The following ARL13B variants were observed in gnomAD, a reference collection of about 807,000 sequenced individuals.
The protein encoded by ARL13B is ARF like GTPase 13B.
In ARL13B, 36 loss-of-function variants were observed where a neutral mutation model predicts 56.1. The ratio of observed to expected loss-of-function variants is 0.64; its 90% CI spans 0.49 to 0.85. The LOEUF (loss-of-function observed/expected upper bound fraction) is 0.85, where lower values mean the gene tolerates loss of function less well. Among genes scored for constraint, ARL13B ranks in the 40% least tolerant of loss-of-function variants. The probability of loss-of-function intolerance (pLI) is 0.00; values close to 1 mark genes in which losing one functional copy is unlikely to be tolerated. For missense variants in ARL13B, 519 were observed against 507.1 expected (o/e 1.02, Z -0.23); for synonymous variants, 178 against 171.1 (o/e 1.04, Z -0.32).
intron 1 of ARL13B, among the ~76,000 whole-genome samples, chr3:93,993,336 G>A (rs978181909): frequency 7.3e-5 from 11 of 151,684 alleles, no homozygotes; most frequent in Non-Finnish European, 1.6e-4. Flanking sequence ...ATGTTTCTCA[G>A]GCTGGTCTCG....
intron 3 of ARL13B, among the ~76,000 whole-genome samples, chr3:94,011,428 C>T (rs1575970499): frequency 6.6e-6 from 1 of 152,138 alleles, no homozygotes; most frequent in East Asian, 1.9e-4. Context: ...TCCTTGTCCT[C>T]TCATTCTGTT....
chr3:93,980,726 A>AGTGTGTGTGTGTGT (rs35756044), intron 1 of ARL13B, among the ~76,000 whole-genome samples: 1 of 146,984 alleles, frequency 6.8e-6, no homozygotes, highest in Non-Finnish European at 1.5e-5. Flanking sequence ...TTTGTTAAAA[A>AGTGTGTGTGTGTGT]GTGTGTGTGT....
intron 7 of ARL13B, among the ~76,000 whole-genome samples, chr3:94,048,459 A>G (rs1046345599): frequency 2.0e-5 from 3 of 152,260 alleles, no homozygotes; most frequent in Non-Finnish European, 4.4e-5. Flanking sequence ...TGTTTAAGTT[A>G]AAATATGTAA....
In ARL13B at chr3:93,986,791, A is replaced by T. The variant is rs370051896; in HGVS notation, c.59+6309A>T. Among the ~76,000 whole-genome samples the T allele has an allele frequency of 5.9e-5, 9 of 152,104 alleles. No individual in the cohort carries two copies. In the East Asian group the frequency reaches 9.7e-4, roughly 16 times the overall value. ...CGAGATGAGCCTGGCCAACATAGTG[A>T]AACCCTGTCTCTACTAAAAATACAA... On this transcript the variant is annotated intron_variant, in intron 1 of 9. Coordinates refer to ENST00000394222, the MANE Select transcript of ARL13B (RefSeq NM_001174150.2).
intron 9 of ARL13B, among the ~76,000 whole-genome samples, chr3:94,051,568 G>T (rs1346533423): frequency 6.6e-6 from 1 of 152,034 alleles, no homozygotes; most frequent in African/African-American, 2.4e-5. Flanking sequence ...ACAAGGAGAA[G>T]TTCTGATTAC....
At chr3:94,044,797 C>A in intron 7 of ARL13B, among the ~76,000 whole-genome samples, 1 of 144,436 alleles carries the variant, frequency 6.9e-6, no homozygotes, top group Middle Eastern at 3.8e-3. Context: ...CGCCTCTGCC[C>A]GGCCGCGCCG....
At chr3:93,983,529 C>A (rs148679808) in intron 1 of ARL13B, among the ~76,000 whole-genome samples, 1 of 152,168 alleles carries the variant, frequency 6.6e-6, no homozygotes, top group East Asian at 1.9e-4. Flanking sequence ...AGAGAAAACA[C>A]AGTTTCTACT....
In ARL13B at chr3:94,010,816, A is replaced by G. The variant is rs552185065; in HGVS notation, c.380+6908A>G. ...GCTGAAAGAAAATAACTATTTTACAAATTCATCTGGATATAATTGTACTAA... is the reference window on the plus strand; with the variant it reads ...GCTGAAAGAAAATAACTATTTTACAGATTCATCTGGATATAATTGTACTAA... On this transcript the variant is annotated intron_variant, in intron 3 of 9. Coordinates refer to ENST00000394222, the MANE Select transcript of ARL13B (RefSeq NM_001174150.2). 4.6e-5 allele frequency among the ~76,000 whole-genome samples: 7 copies of G among 152,178 alleles called. No homozygotes were observed. The South Asian group carries it at 1.4e-3, about 32-fold the overall frequency.
chr3:93,981,911 T>A (rs1468642849), intron 1 of ARL13B, among the ~76,000 whole-genome samples: 1 of 151,632 alleles, frequency 6.6e-6, no homozygotes, highest in African/African-American at 2.4e-5. Flanking sequence ...AAGAGTTGTT[T>A]TAGGTGCATA....
intron 3 of ARL13B, among the ~76,000 whole-genome samples, chr3:94,008,222 T>C (rs1199951005): frequency 6.6e-6 from 1 of 152,178 alleles, no homozygotes; most frequent in Non-Finnish European, 1.5e-5. Flanking sequence ...CCTTTTTCTC[T>C]CACATCAACT....
chr3:94,047,200 T>C (rs1201836602), intron 7 of ARL13B, among the ~76,000 whole-genome samples: 1 of 152,256 alleles, frequency 6.6e-6, no homozygotes, highest in African/African-American at 2.4e-5. Context: ...ATTTTTATAG[T>C]ATCACAGGGC....
chr3:94,035,441 G>GT lies in ARL13B; in HGVS notation c.486+5_486+6insT. On this transcript the variant is annotated splice_donor_region_variant and intron_variant, in intron 4 of 9. Coordinates refer to ENST00000394222, the MANE Select transcript of ARL13B (RefSeq NM_001174150.2). Reference sequence around the variant, plus strand: ...CACAAGTGCCTGTGTCAGATAGTAAGGTTTTTTTTTTTTTTTTAATTTTAA... The same window carrying GT: ...CACAAGTGCCTGTGTCAGATAGTAAGTGTTTTTTTTTTTTTTTTAATTTTAA... 2.0e-6 allele frequency: 3 copies of GT among 1,512,834 alleles called. No individual in the cohort carries two copies. Among genetic ancestry groups the GT allele is most frequent in the Non-Finnish European group, 2.7e-6 (3 of 1,109,510 alleles). 93.7% of individuals were successfully genotyped at this position (1,512,834 alleles called of 1,614,324 possible). A position where few individuals can be genotyped will look rare whatever the true frequency, so the allele number is the denominator to read the frequency against.
At chr3:94,046,591 T>G (rs987693114) in intron 7 of ARL13B, among the ~76,000 whole-genome samples, 3 of 152,144 alleles carry the variant, frequency 2.0e-5, no homozygotes, top group African/African-American at 7.2e-5. Context: ...TTGGTGGGCA[T>G]TCAGGTGTAT....
chr3:94,023,442 A>T (rs1335761690), intron 3 of ARL13B, among the ~76,000 whole-genome samples: 1 of 151,940 alleles, frequency 6.6e-6, no homozygotes, highest in Non-Finnish European at 1.5e-5. Context: ...TTTGGTAAAC[A>T]TATAGTTGGT....
rs1350706894 is a variant in ARL13B, at chr3:93,988,573, A to G, written c.60-7301A>G. 3.1e-5 allele frequency: 11 copies of G among 350,720 alleles called. No homozygotes were observed. The Admixed American group carries it at 3.8e-4, about 12-fold the overall frequency. 21.7% of individuals were successfully genotyped at this position (350,720 alleles called of 1,614,324 possible). On this transcript the variant is annotated intron_variant, in intron 1 of 9. Coordinates refer to ENST00000394222, the MANE Select transcript of ARL13B (RefSeq NM_001174150.2). The stretch of plus-strand genomic sequence containing the variant: ...TGCACTTACAAAGCAGTTGATAAAA[A>G]TACCCTGGATTGTACAAGAAGGGAG...
At chr3:93,983,841 T>C (rs896866069) in intron 1 of ARL13B, among the ~76,000 whole-genome samples, 4 of 152,290 alleles carry the variant, frequency 2.6e-5, no homozygotes, top group South Asian at 4.1e-4. Flanking sequence ...TGTAGTACAA[T>C]TGACACTTGA....
intron 7 of ARL13B, among the ~76,000 whole-genome samples, chr3:94,048,834 C>T (rs975275946): frequency 4.6e-5 from 7 of 152,072 alleles, no homozygotes; most frequent in Middle Eastern, 3.2e-3. Flanking sequence ...TGGGCTCATG[C>T]ATTCCTCCTA....
At chr3:94,025,371 C>T (rs546614513) in intron 3 of ARL13B, among the ~76,000 whole-genome samples, 10 of 152,060 alleles carry the variant, frequency 6.6e-5, no homozygotes, top group African/African-American at 1.9e-4. Context: ...ATTATGTAAA[C>T]GATGTTTAAA....
At chr3:94,029,338 A>ATATATATATT (rs2076626952) in intron 3 of ARL13B, among the ~76,000 whole-genome samples, 4 of 59,026 alleles carry the variant, frequency 6.8e-5, no homozygotes, top group Admixed American at 2.1e-4. Context: ...ATATATATTT[A>ATATATATATT]TTTTTTTTTT....
Sources: gnomAD v4.1 joint callset for allele counts (sites outside exome capture counted in the v4.1 genomes callset) on GRCh38, gnomAD v4.1.1 for gene constraint, MANE v1.5 for transcripts, NCBI Gene and HGNC (gene_info 2026-07-23, HGNC 2026-07-21) for gene names.